The following BPTF variants were observed in gnomAD, a reference collection of about 807,000 sequenced individuals.
The protein encoded by BPTF is nucleosome-remodeling factor subunit BPTF.
BPTF carries 18 observed loss-of-function variants against 292.5 expected under a neutral mutation model. The observed-to-expected ratio is 0.06, with a 90% CI of 0.04 to 0.09. The LOEUF is 0.09. Ranked by LOEUF, BPTF falls within the 10% of genes least tolerant of loss-of-function variation. The pLI, the probability that BPTF is intolerant of heterozygous loss-of-function variation, is 1.00. For synonymous variants in BPTF, 1,225 were observed against 1,251.9 expected (o/e 0.98, Z 0.45); for missense variants, 2,726 against 3,498.7 (o/e 0.78, Z 5.57).
chr17:67,969,138 CA>C (rs1568212590), intron 26 of BPTF, among the ~76,000 whole-genome samples: 1 of 150,478 alleles, frequency 6.6e-6, no homozygotes, highest in Non-Finnish European at 1.5e-5. Context: ...CCTGTCTCTC[CA>C]AAAAAAATTT....
At chr17:67,879,204 C>A (rs896291011) in intron 4 of BPTF, among the ~76,000 whole-genome samples, 1 of 145,476 alleles carries the variant, frequency 6.9e-6, no homozygotes, top group Non-Finnish European at 1.5e-5. Flanking sequence ...TACAGTGGTG[C>A]GATCTCGGCT....
chr17:67,862,139 CTAATTTTTGTATT>C (rs2059121938), intron 2 of BPTF, among the ~76,000 whole-genome samples: 1 of 152,070 alleles, frequency 6.6e-6, no homozygotes, highest in Non-Finnish European at 1.5e-5. Flanking sequence ...CCACACCCGG[CTAATTTTTGTATT>C]TTTAGTAGAG....
At chr17:67,851,220 G>C (rs1379275099) in intron 1 of BPTF, among the ~76,000 whole-genome samples, 2 of 151,418 alleles carry the variant, frequency 1.3e-5, no homozygotes, top group African/African-American at 4.9e-5. Flanking sequence ...AGGGGCCTTC[G>C]TGACTGGGCT....
At chr17:67,901,605 G>A (rs1345296147) in intron 7 of BPTF, among the ~76,000 whole-genome samples, 1 of 152,152 alleles carries the variant, frequency 6.6e-6, no homozygotes, top group Non-Finnish European at 1.5e-5. Context: ...ACAAGACAAA[G>A]GATTTGAATA....
At chr17:67,829,673 C>T (rs577376799) in intron 1 of BPTF, among the ~76,000 whole-genome samples, 1 of 152,124 alleles carries the variant, frequency 6.6e-6, no homozygotes. Flanking sequence ...TTAAGATATC[C>T]GAATAACACA....
At chr17:67,968,063 C>T (rs542949438) in intron 26 of BPTF, among the ~76,000 whole-genome samples, 4 of 150,870 alleles carry the variant, frequency 2.7e-5, no homozygotes, top group African/African-American at 4.9e-5. Flanking sequence ...ATAGGAGCCA[C>T]GAGTAATCGT....
rs1223028074 is a variant in BPTF, at chr17:67,843,218, A to G, written c.614-10722A>G. The stretch of plus-strand genomic sequence containing the variant: ...TCTACATACATGTAGATGTATGTAG[A>G]TATATACCTATATATCTACATACAT... On this transcript the variant is annotated intron_variant, in intron 1 of 27. Transcript: ENST00000306378. Among the ~76,000 whole-genome samples, 3 of 146,056 alleles carry G rather than the reference A, an allele frequency of 2.1e-5. No homozygotes were observed. In the East Asian group the frequency reaches 6.2e-4, roughly 30 times the overall value.
chr17:67,895,163 G>A (rs1022287440), intron 7 of BPTF, among the ~76,000 whole-genome samples: 2 of 151,608 alleles, frequency 1.3e-5, no homozygotes, highest in African/African-American at 2.4e-5. Flanking sequence ...TAGGGAGACC[G>A]AGGTACTAAA....
chr17:67,939,484 T>C (rs1055116502), intron 18 of BPTF, among the ~76,000 whole-genome samples: 7 of 152,236 alleles, frequency 4.6e-5, no homozygotes, highest in Admixed American at 2.0e-4. Context: ...CCTATTCTAG[T>C]TTCAGCAAGT....
chr17:67,925,987 T>G (rs1260559114), intron 15 of BPTF, among the ~76,000 whole-genome samples: 2 of 139,540 alleles, frequency 1.4e-5, no homozygotes, highest in African/African-American at 5.1e-5. Flanking sequence ...TAACCTAACA[T>G]ATTACTTTTT....
chr17:67,946,456 C>T, intron 21 of BPTF, 131 bp downstream of exon 21: 17 of 1,329,176 alleles, frequency 1.3e-5, no homozygotes, highest in Non-Finnish European at 1.7e-5. Flanking sequence ...AGAAGAAACA[C>T]TGAATTGACC....
intron 2 of BPTF, among the ~76,000 whole-genome samples, chr17:67,858,476 A>C (rs919105225): frequency 4.7e-5 from 7 of 150,338 alleles, no homozygotes; most frequent in Non-Finnish European, 5.9e-5. Context: ...AATCGCTTGA[A>C]CCTAGGAGGC....
In BPTF at chr17:67,931,898, G is replaced by A. The variant is rs375441210; in HGVS notation, c.6151-13G>A. Reference sequence around the variant, plus strand: ...AAAGCATTTTAATTCATTGTTCTTTGTGTCATTTATAGGTAATCACAGGGC... The same window carrying A: ...AAAGCATTTTAATTCATTGTTCTTTATGTCATTTATAGGTAATCACAGGGC... On this transcript the variant is annotated splice_polypyrimidine_tract_variant and intron_variant, in intron 17 of 27. Coordinates refer to ENST00000306378, the MANE Select transcript of BPTF (RefSeq NM_182641.4). 7.8e-5 allele frequency: 124 copies of A among 1,586,850 alleles called. No homozygotes were observed. The highest frequency in any genetic ancestry group is 1.0e-4 in the Non-Finnish European group (116 of 1,159,130).
chr17:67,900,193 C>T (rs925297518), intron 7 of BPTF, among the ~76,000 whole-genome samples: 2 of 152,048 alleles, frequency 1.3e-5, no homozygotes, highest in South Asian at 4.1e-4. Context: ...CAACCTCCAC[C>T]TCCTGGTTTC....
At chr17:67,845,048 G>GT (rs2057931487) in intron 1 of BPTF, among the ~76,000 whole-genome samples, 1 of 152,098 alleles carries the variant, frequency 6.6e-6, no homozygotes. Flanking sequence ...CAGCCTGATT[G>GT]TTTTTTACAT....
intron 9 of BPTF, among the ~76,000 whole-genome samples, chr17:67,908,620 G>A (rs2062406603): frequency 6.6e-6 from 1 of 150,828 alleles, no homozygotes; most frequent in Non-Finnish European, 1.5e-5. Flanking sequence ...AGCCTCCTGA[G>A]TAGGGATCAC....
chr17:67,854,060 A>G lies in BPTF; in HGVS notation c.734A>G (p.Asn245Ser). ...DLMVPNEHIM[N>S]VIAIYEVLRN... The stretch of plus-strand genomic sequence containing the variant: ...ATGGTGCCTAATGAGCATATAATGA[A>G]TGTCATTGCCATTTACGAGGTACTG... Residue 245 changes from asparagine (N) to serine (S), a missense_variant, in exon 2 of 28, where the codon AAT (asparagine) becomes AGT (serine). This residue lies in a region of BPTF where 102 missense variants were observed against 212.6 expected (regional missense o/e 0.48). Transcript: ENST00000306378. This position sits in a 1 kb window ranked among gnomAD's most constrained non-coding sequence, Gnocchi z 5.6. 1 of 1,614,198 alleles carries G rather than the reference A, an allele frequency of 6.2e-7. No homozygotes were observed. The highest frequency in any genetic ancestry group is 8.5e-7 in the Non-Finnish European group (1 of 1,180,040).
chr17:67,967,477 C>G (rs148120916), intron 26 of BPTF, among the ~76,000 whole-genome samples: 3 of 151,986 alleles, frequency 2.0e-5, no homozygotes, highest in East Asian at 3.9e-4. Flanking sequence ...AGTTTCATTT[C>G]TTAGGATTTA....
At chr17:67,905,837 A>AT (rs1325822516) in intron 9 of BPTF, among the ~76,000 whole-genome samples, 1 of 151,864 alleles carries the variant, frequency 6.6e-6, no homozygotes, top group Non-Finnish European at 1.5e-5. Context: ...TGTCACATAA[A>AT]TGAGGTTTTT....
Sources: gnomAD v4.1 joint callset for allele counts (sites outside exome capture counted in the v4.1 genomes callset) on GRCh38, gnomAD v4.1.1 for gene constraint, gnomAD v4.1.1 regional missense constraint, Gnocchi (gnomAD v3.1) non-coding constraint, MANE v1.5 for transcripts, NCBI Gene and HGNC (gene_info 2026-07-23, HGNC 2026-07-21) for gene names.